Variants in RASSF4 observed in about 807,000 individuals in gnomAD.
The protein encoded by RASSF4 is Ras association domain family member 4, also known as ras association domain-containing protein 4.
RASSF4 carries 38 observed loss-of-function variants against 41.1 expected under a neutral mutation model. The observed-to-expected ratio is 0.92, with a 90% CI of 0.71 to 1.21. The LOEUF is 1.21. RASSF4 is among the 50% of genes most tolerant of loss of function. The pLI, the probability that RASSF4 is intolerant of heterozygous loss-of-function variation, is 0.00. For synonymous variants in RASSF4, 179 were observed against 163.4 expected (o/e 1.10, Z -0.73); for missense variants, 414 against 419.4 (o/e 0.99, Z 0.11).
chr10:44,975,477 C>A (rs1841378335), intron 3 of RASSF4, among the ~76,000 whole-genome samples: 1 of 123,272 alleles, frequency 8.1e-6, no homozygotes, highest in Admixed American at 7.8e-5. Flanking sequence ...CACCCCCACC[C>A]CCACTTCCCT....
rs1442591734 is a variant in RASSF4, at chr10:44,983,395, G to T, written c.282-627G>T. The T allele has an allele frequency of 1.6e-5, 3 of 184,146 alleles. No homozygotes were observed. The Admixed American group carries it at 1.7e-4, about 10-fold the overall frequency. The allele number at this position is 184,146 out of a possible 1,614,324, so 11.4% of individuals were successfully genotyped here. On this transcript the variant is annotated intron_variant, in intron 4 of 10. Transcript: ENST00000340258. ...CACACAGAATTAGAGCATAAAGTCA[G>T]ACTCCTTAGGAAGGCTGCAAGTGTG...
chr10:44,978,823 A>C (rs1275020223), intron 3 of RASSF4: 1 of 152,244 alleles, frequency 6.6e-6, no homozygotes, highest in East Asian at 1.9e-4. Context: ...GAACCTTCGC[A>C]GGCAAGCTGC....
intron 4 of RASSF4, chr10:44,983,028 A>G: frequency 3.9e-6 from 2 of 515,692 alleles, no homozygotes; most frequent in Middle Eastern, 5.9e-4. Context: ...TTAGCCTCTT[A>G]CTACTCTGTT....
intron 1 of RASSF4, among the ~76,000 whole-genome samples, chr10:44,968,158 G>A (rs566493617): frequency 3.3e-5 from 5 of 152,316 alleles, no homozygotes; most frequent in African/African-American, 1.2e-4. Flanking sequence ...TTTGCTGAAA[G>A]CAAGACTTCG....
chr10:44,989,638 C>T lies in RASSF4; in HGVS notation c.634-32C>T, dbSNP rs745729134. 30 of 1,609,186 alleles carry T rather than the reference C, an allele frequency of 1.9e-5. No homozygotes were observed. The East Asian group carries it at 3.3e-4, about 18-fold the overall frequency. ...TCAGTTCTCTCCCATCTCCAAGCAC[C>T]GTGATCTGACTTCCTGTGACTGCCT... On this transcript the variant is annotated intron_variant, in intron 7 of 10. Coordinates refer to ENST00000340258, the MANE Select transcript of RASSF4 (RefSeq NM_032023.4).
In RASSF4 at chr10:44,984,930, G is replaced by A. The variant is rs57185992; in HGVS notation, c.491G>A (p.Arg164Gln). 1,457 of 1,613,094 alleles carry A rather than the reference G, an allele frequency of 9.0e-4. 9 individuals are homozygous for A. In the African/African-American group the frequency reaches 0.012, roughly 14 times the overall value. The change falls in exon 6 of 11, where the codon CGA becomes CAA. Residue 164 changes from arginine to glutamine, a missense_variant. Arg to Gln is a conservative substitution (Grantham distance 43). Coordinates refer to ENST00000340258, the MANE Select transcript of RASSF4 (RefSeq NM_032023.4). ...CCCGGTGAGGCCCAGCGCATCCGGCGACACCGGTTCTCTATCAACGGCCAC... is the reference window on the plus strand; with the variant it reads ...CCCGGTGAGGCCCAGCGCATCCGGCAACACCGGTTCTCTATCAACGGCCAC... Reference protein sequence around the residue: ...RAPGEAQRIRRHRFSINGHFY... With the variant: ...RAPGEAQRIRQHRFSINGHFY...
In RASSF4 at chr10:44,989,476, G is replaced by A. The variant is rs896947563; in HGVS notation, c.633+101G>A. On this transcript the variant is annotated intron_variant, in intron 7 of 10. Coordinates refer to ENST00000340258, the MANE Select transcript of RASSF4 (RefSeq NM_032023.4). Reference sequence around the variant, plus strand: ...AAGCTGCCCGTGGCAGAAGCTGCCTGGGCAGAAGGTCTAGCAAGGGTCCCT... The same window carrying A: ...AAGCTGCCCGTGGCAGAAGCTGCCTAGGCAGAAGGTCTAGCAAGGGTCCCT... The A allele has an allele frequency of 3.7e-5, 36 of 979,364 alleles. No homozygotes were observed. The Admixed American group carries it at 6.9e-4, about 19-fold the overall frequency. 60.7% of individuals were successfully genotyped at this position (979,364 alleles called of 1,614,324 possible).
At chr10:44,972,217 C>T (rs1229696419) in intron 3 of RASSF4, among the ~76,000 whole-genome samples, 1 of 152,172 alleles carries the variant, frequency 6.6e-6, no homozygotes, top group Non-Finnish European at 1.5e-5. Context: ...GGAGTCAGTC[C>T]CTCTCTGTTC....
chr10:44,986,693 T>C (rs927557636), intron 6 of RASSF4, among the ~76,000 whole-genome samples: 1 of 152,198 alleles, frequency 6.6e-6, no homozygotes, highest in African/African-American at 2.4e-5. Context: ...CATACAGAAC[T>C]AATGTCCTTA....
At chr10:44,987,412 C>A (rs1041326617) in intron 6 of RASSF4, among the ~76,000 whole-genome samples, 43 of 152,094 alleles carry the variant, frequency 2.8e-4, no homozygotes, top group Non-Finnish European at 4.9e-4. Flanking sequence ...TTCCATATTT[C>A]TTTGGACAAG....
intron 1 of RASSF4, among the ~76,000 whole-genome samples, chr10:44,961,121 G>A (rs916814692): frequency 6.6e-6 from 1 of 152,228 alleles, no homozygotes; most frequent in Non-Finnish European, 1.5e-5. Flanking sequence ...GTCATGGGCT[G>A]TTTCAGCACT....
chr10:44,984,148 C>T, intron 5 of RASSF4, 35 bp downstream of exon 5: 1 of 1,551,718 alleles, frequency 6.4e-7, no homozygotes, highest in Non-Finnish European at 8.7e-7. Context: ...AGACCCCTGC[C>T]TCATCCGGGG....
intron 6 of RASSF4, among the ~76,000 whole-genome samples, chr10:44,985,356 G>C (rs1001832261): frequency 6.6e-6 from 1 of 152,252 alleles, no homozygotes; most frequent in Non-Finnish European, 1.5e-5. Flanking sequence ...CAGGGCACAT[G>C]TGTCTGTGCC....
chr10:44,989,810 C>A, intron 8 of RASSF4, 89 bp downstream of exon 8: 2 of 1,177,222 alleles, frequency 1.7e-6, no homozygotes, highest in Non-Finnish European at 2.6e-6. Flanking sequence ...TGACTGTACT[C>A]CCTTCCAGAT....
chr10:44,982,778 GACCCA>G, intron 4 of RASSF4, 115 bp downstream of exon 4: 1 of 1,185,616 alleles, frequency 8.4e-7, no homozygotes. Flanking sequence ...ACAGGAGGGT[GACCCA>G]GCCTCATCCC....
rs1027558905 is a variant in RASSF4 at position 44,971,137 on chromosome 10, A to C, written c.63-636A>C. 5.2e-5 allele frequency: 14 copies of C among 269,676 alleles called. 1 individual carries two copies. In the East Asian group the frequency reaches 1.3e-3, roughly 25 times the overall value. The allele number at this position is 269,676 out of a possible 1,614,324, so 16.7% of individuals were successfully genotyped here. On this transcript the variant is annotated intron_variant, in intron 2 of 10. Coordinates refer to ENST00000340258, the MANE Select transcript of RASSF4 (RefSeq NM_032023.4). ...CCACGTCTGCTGGCCCCACAGCCCC[A>C]CAGAGCCCAGCTTGGGTTCAGGCAG... is the stretch of plus-strand genomic sequence containing the variant.
In RASSF4 at chr10:44,984,872, T is replaced by C; in HGVS notation, c.433T>C (p.Cys145Arg). 6.2e-7 allele frequency: 1 copy of C among 1,613,652 alleles called. No individual in the cohort carries two copies. Among genetic ancestry groups the C allele is most frequent in the Non-Finnish European group, 8.5e-7 (1 of 1,180,004 alleles). Residue 145 changes from cysteine (C) to arginine (R), a missense_variant, in exon 6 of 11, where the codon TGC becomes CGC. By Grantham distance (180) the Cys-to-Arg change is radical (BLOSUM62 -3). Transcript: ENST00000340258. Reference sequence around the variant, plus strand: ...GATGCGGACCAAGAGCGACGCCAGTTGCATGAGCCAGAGGAGGCCCAAGTG... The same window carrying C: ...GATGCGGACCAAGAGCGACGCCAGTCGCATGAGCCAGAGGAGGCCCAAGTG... ...QLMRTKSDASCMSQRRPKCRA... is the reference protein window; with the variant it reads ...QLMRTKSDASRMSQRRPKCRA...
At chr10:44,965,547 T>C (rs1040527998) in intron 1 of RASSF4, among the ~76,000 whole-genome samples, 11 of 152,256 alleles carry the variant, frequency 7.2e-5, no homozygotes, top group African/African-American at 2.4e-4. Context: ...ATGAAGCTAA[T>C]GAGTGCTGGA....
chr10:44,995,877 C>T lies in RASSF4; in HGVS notation c.*2548C>T, dbSNP rs1039072244. 3.9e-5 allele frequency: 6 copies of T among 151,940 alleles called. No individual in the cohort carries two copies. Among genetic ancestry groups the T allele is most frequent in the Admixed American group, 2.6e-4 (4 of 15,258 alleles). 9.4% of individuals were successfully genotyped at this position (151,940 alleles called of 1,614,324 possible). ...TAGTGTCTCAGGTAATAAACGTATC[C>T]GAAGATAAAGCAAAGATTGCTATGG... is the stretch of plus-strand genomic sequence containing the variant. On this transcript the variant is annotated 3_prime_UTR_variant, in exon 11 of 11. Transcript: ENST00000340258.
Sources: allele counts gnomAD v4.1 joint callset (sites outside exome capture counted in the v4.1 genomes callset), GRCh38; gene constraint gnomAD v4.1.1; transcripts MANE v1.5; gene names NCBI Gene and HGNC (gene_info 2026-07-23, HGNC 2026-07-21).